Variants in IRF5 observed in about 807,000 individuals in gnomAD.
IRF5 encodes the protein interferon regulatory factor 5.
A neutral mutation model predicts 55.1 loss-of-function variants in IRF5; 24 were observed. That is an observed-to-expected ratio of 0.44 (90% confidence interval 0.32 to 0.61). The LOEUF is 0.61. IRF5 is among the 20% of genes least tolerant of loss of function. IRF5 has a pLI of 0.07. For synonymous variants in IRF5, 258 were observed against 260.2 expected (o/e 0.99, Z 0.08); for missense variants, 499 against 658.5 (o/e 0.76, Z 2.65).
intron 2 of IRF5, chr7:128,943,258 T>C (rs1796126867): frequency 6.0e-6 from 1 of 166,770 alleles, no homozygotes; most frequent in Admixed American, 6.5e-5. Flanking sequence ...CTTGAACTCC[T>C]GGACTCAAGC....
intron 2 of IRF5, among the ~76,000 whole-genome samples, chr7:128,944,033 A>ATTGAGTTTTTG (rs1796177556): frequency 6.6e-6 from 1 of 152,130 alleles, no homozygotes. Flanking sequence ...GCTAGGATGT[A>ATTGAGTTTTTG]CCTCGCATAA....
Position 128,947,928 on chromosome 7 carries a change from C to T in IRF5, c.987C>T (p.Tyr329=). The change falls in exon 7 of 9, where the codon TAC becomes TAT. Residue 329 remains tyrosine (Y), a synonymous_variant. Coordinates refer to ENST00000357234, the MANE Select transcript of IRF5 (RefSeq NM_001098629.3). This position sits in a 1 kb window ranked among gnomAD's most constrained non-coding sequence, Gnocchi z 6.5. ...EDIPSDKQRF[Y]TNQLLDVLDR... ...TCCCCAGTGACAAGCAGCGCTTCTACACGAACCAGCTGCTGGATGTCCTGG... is the reference window on the plus strand; with the variant it reads ...TCCCCAGTGACAAGCAGCGCTTCTATACGAACCAGCTGCTGGATGTCCTGG... The T allele has an allele frequency of 6.2e-7, 1 of 1,614,148 alleles. No individual in the cohort carries two copies. Among genetic ancestry groups the T allele is most frequent in the Non-Finnish European group, 8.5e-7 (1 of 1,180,012 alleles).
chr7:128,946,983 C>A lies in IRF5; in HGVS notation c.448-40C>A. Reference sequence around the variant, plus strand: ...AGTGGAATAACCTGTCCTCCTTTCTCTCCCATCTCTTCCCTCCCTTGCTGG... The same window carrying A: ...AGTGGAATAACCTGTCCTCCTTTCTATCCCATCTCTTCCCTCCCTTGCTGG... On this transcript the variant is annotated intron_variant, in intron 4 of 8. Transcript: ENST00000357234. The surrounding 1 kb of genome is among the most constrained non-coding windows in gnomAD (Gnocchi z 4.2). 6.2e-7 allele frequency: 1 copy of A among 1,613,146 alleles called. No homozygotes were observed. Among genetic ancestry groups the A allele is most frequent in the Non-Finnish European group, 8.5e-7 (1 of 1,179,304 alleles).
At chr7:128,942,694 G>A (rs111382462) in intron 2 of IRF5, among the ~76,000 whole-genome samples, 7,272 of 152,056 alleles carry the variant, frequency 0.048, 579 homozygotes, top group African/African-American at 0.17. Flanking sequence ...CCCATAACTC[G>A]TCCTACTCAC....
At chr7:128,937,188 T>C (rs1795805749), upstream of IRF5, among the ~76,000 whole-genome samples, 1 of 152,236 alleles carries the variant, frequency 6.6e-6, no homozygotes, top group Non-Finnish European at 1.5e-5. Context: ...GAGAAGGCGA[T>C]GCTGAAAATT....
chr7:128,945,778 C>A, intron 2 of IRF5, 67 bp from the exon 3 acceptor site: 1 of 1,463,126 alleles, frequency 6.8e-7, no homozygotes, highest in Non-Finnish European at 9.3e-7. Flanking sequence ...TCCTATGGGA[C>A]AGGAGGCAGA....
intron 1 of IRF5, among the ~76,000 whole-genome samples, chr7:128,939,523 G>A (rs908509121): frequency 2.6e-5 from 4 of 152,142 alleles, no homozygotes; most frequent in Admixed American, 6.5e-5. Context: ...CCTGAGCTGG[G>A]TGTGGGTTTG....
In IRF5 at chr7:128,942,266, C is replaced by T; in HGVS notation, c.185C>T (p.Thr62Ile). ...RHGPSQDGDN[T>I]IFKAWAKETG... ...GGTCCCAGCCAGGACGGAGATAACA[C>T]CATCTTCAAGGTAAGCCCCGGGGAG... Residue 62 changes from threonine to isoleucine, a missense_variant, in exon 2 of 9, where the codon ACC (threonine) becomes ATC (isoleucine). Physicochemically the swap from Thr to Ile is moderately conservative, Grantham distance 89. Around this residue, in one of 2 missense-constraint regions of IRF5, gnomAD observed 305 missense variants for 340.2 expected, o/e 0.90. Coordinates refer to ENST00000357234, the MANE Select transcript of IRF5 (RefSeq NM_001098629.3). 6.2e-7 allele frequency: 1 copy of T among 1,611,938 alleles called. No individual in the cohort carries two copies. Among genetic ancestry groups the T allele is most frequent in the Non-Finnish European group, 8.5e-7 (1 of 1,178,800 alleles).
chr7:128,945,932 A>G lies in IRF5; in HGVS notation c.283A>G (p.Asn95Asp). The change falls in exon 3 of 9, where the codon AAC becomes GAC. Residue 95 changes from asparagine (N) to aspartate (D), a missense_variant. Asn to Asp is a conservative substitution (Grantham distance 23, BLOSUM62 1). This residue lies in a region of IRF5 where 305 missense variants were observed against 340.2 expected (regional missense o/e 0.90). Coordinates refer to ENST00000357234, the MANE Select transcript of IRF5 (RefSeq NM_001098629.3). ...KWKANLRCAL[N>D]KSRDFRLIYD... ...GAAGGCCAACCTGCGCTGTGCCCTT[A>G]ACAAGAGCCGGGACTTCCGCCTCAT... The G allele has an allele frequency of 6.2e-7, 1 of 1,613,542 alleles. No homozygotes were observed. The highest frequency in any genetic ancestry group is 8.5e-7 in the Non-Finnish European group (1 of 1,179,858).
upstream of IRF5, among the ~76,000 whole-genome samples, chr7:128,937,143 C>G (rs1432925116): frequency 6.6e-6 from 1 of 152,176 alleles, no homozygotes; most frequent in Non-Finnish European, 1.5e-5. Flanking sequence ...ACCCTGGAAC[C>G]CCACCTGGGA....
At chr7:128,945,139 G>A (rs1379711113) in intron 2 of IRF5, among the ~76,000 whole-genome samples, 2 of 151,998 alleles carry the variant, frequency 1.3e-5, no homozygotes, top group African/African-American at 4.8e-5. Flanking sequence ...TTTGAGATAG[G>A]GTATCACTCT....
In IRF5 at chr7:128,947,619, C is replaced by T. The variant is rs543258391; in HGVS notation, c.787+84C>T. ...AAGGAGGGTGGAGGGTGCTGGACTCCCTTGGGTGGGAAAAGTGGGAGGGCG... is the reference window on the plus strand; with the variant it reads ...AAGGAGGGTGGAGGGTGCTGGACTCTCTTGGGTGGGAAAAGTGGGAGGGCG... On this transcript the variant is annotated intron_variant, in intron 6 of 8. Coordinates refer to ENST00000357234, the MANE Select transcript of IRF5 (RefSeq NM_001098629.3). This position sits in a 1 kb window ranked among gnomAD's most constrained non-coding sequence, Gnocchi z 6.5. The T allele has an allele frequency of 3.8e-5, 58 of 1,517,004 alleles. No individual in the cohort carries two copies. The South Asian group carries it at 6.5e-4, about 17-fold the overall frequency. The allele number at this position is 1,517,004 out of a possible 1,614,324, so 94.0% of individuals were successfully genotyped here.
At position 128,943,707 on chromosome 7, in the gene IRF5, A is replaced by ATTTTTTTTTTT. The variant is rs61451031; in HGVS notation, c.195+1456_195+1466dup. 1.7e-3 allele frequency among the ~76,000 whole-genome samples: 124 copies of ATTTTTTTTTTT among 71,936 alleles called. 1 individual carries two copies. Among genetic ancestry groups the ATTTTTTTTTTT allele is most frequent in the East Asian group, 6.3e-3 (10 of 1,588 alleles). The allele number at this position is 71,936 out of a possible 152,430, so 47.2% of individuals were successfully genotyped here. A position where few individuals can be genotyped will look rare whatever the true frequency, so the allele number is the denominator to read the frequency against. On this transcript the variant is annotated intron_variant, in intron 2 of 8. Transcript: ENST00000357234. ...AGGCACCTGCCACCATGCCCGGCTA[A>ATTTTTTTTTTT]TTTTTTTTTTTTTTTTTTTTTTTTT... is the stretch of plus-strand genomic sequence containing the variant.
chr7:128,947,313 ACTCTGCGGCCGCCTACTCTGCAGCCG>A lies in IRF5; in HGVS notation c.567_592del (p.Leu190HisfsTer34), dbSNP rs769646125. ...GTGGCCGCCCACTCTGCAGCCGCCCACTCTGCGGCCGCCTACTCTGCAGCCGCCCACTCTGCAGCCGCCCGTGGTGC... is the reference window on the plus strand; with the variant it reads ...GTGGCCGCCCACTCTGCAGCCGCCCACCCACTCTGCAGCCGCCCGTGGTGC... On this transcript the variant is annotated frameshift_variant, in exon 6 of 9. Coordinates refer to ENST00000357234, the MANE Select transcript of IRF5 (RefSeq NM_001098629.3). LOFTEE classifies it high-confidence loss of function. This position sits in a 1 kb window ranked among gnomAD's most constrained non-coding sequence, Gnocchi z 6.5. The A allele has an allele frequency of 1.1e-4, 47 of 417,828 alleles. No individual in the cohort carries two copies. In the African/African-American group the frequency reaches 1.8e-3, roughly 16 times the overall value. The allele number at this position is 417,828 out of a possible 1,614,324, so 25.9% of individuals were successfully genotyped here. A position where few individuals can be genotyped will look rare whatever the true frequency, so the allele number is the denominator to read the frequency against.
chr7:128,940,799 G>A (rs1459190702), intron 1 of IRF5: 1 of 152,504 alleles, frequency 6.6e-6, no homozygotes, highest in African/African-American at 2.4e-5. Flanking sequence ...TGGCAGCAGA[G>A]CTGGGCTCTG....
Position 128,948,413 on chromosome 7 carries a change from A to G in IRF5, c.1299+85A>G, listed in dbSNP as rs988577798. ...GGCCCTTGCCCCAGGCTGGAGGCTC[A>G]GGGCTCCCTGAGCAGTGTGAACTTG... On this transcript the variant is annotated intron_variant, in intron 8 of 8. Transcript: ENST00000357234. The surrounding 1 kb of genome is among the most constrained non-coding windows in gnomAD (Gnocchi z 4.6). The G allele has an allele frequency of 1.4e-6, 2 of 1,460,574 alleles. No individual in the cohort carries two copies. Among genetic ancestry groups the G allele is most frequent in the Non-Finnish European group, 1.9e-6 (2 of 1,074,578 alleles). The allele number at this position is 1,460,574 out of a possible 1,614,324, so 90.5% of individuals were successfully genotyped here.
chr7:128,942,361 C>A (rs1176425256), intron 2 of IRF5, 85 bp downstream of exon 2: 1 of 1,311,220 alleles, frequency 7.6e-7, no homozygotes, highest in African/African-American at 1.5e-5. Context: ...CAGGCAGCTC[C>A]TCGAGGCTGG....
rs34539872 is a variant in IRF5 at position 128,943,023 on chromosome 7, ATTTTTT to A, written c.195+770_195+775del. 215 of 86,914 alleles carry A rather than the reference ATTTTTT, an allele frequency of 2.5e-3. 1 individual carries two copies. The highest frequency in any genetic ancestry group is 0.011 in the African/African-American group (202 of 18,332). The allele number at this position is 86,914 out of a possible 1,614,324, so 5.4% of individuals were successfully genotyped here. On this transcript the variant is annotated intron_variant, in intron 2 of 8. Coordinates refer to ENST00000357234, the MANE Select transcript of IRF5 (RefSeq NM_001098629.3). ...GCCTCACACTGTTGACCAGATTCCAATTTTTTTTTTTTTTTTTTTTTTTTTTTTGAG... is the reference window on the plus strand; with the variant it reads ...GCCTCACACTGTTGACCAGATTCCAATTTTTTTTTTTTTTTTTTTTTTGAG...
At chr7:128,943,707 A>ATTTTTTTTTTTTTTT (rs61451031) in intron 2 of IRF5, among the ~76,000 whole-genome samples, 6 of 71,928 alleles carry the variant, frequency 8.3e-5, no homozygotes, top group African/African-American at 2.1e-4. Flanking sequence ...TGCCCGGCTA[A>ATTTTTTTTTTTTTTT]TTTTTTTTTT....
Sources: gnomAD v4.1 joint callset for allele counts (sites outside exome capture counted in the v4.1 genomes callset) on GRCh38, gnomAD v4.1.1 for gene constraint, gnomAD v4.1.1 regional missense constraint, Gnocchi (gnomAD v3.1) non-coding constraint, MANE v1.5 for transcripts, NCBI Gene and HGNC (gene_info 2026-07-23, HGNC 2026-07-21) for gene names.